The following ARHGAP44 variants were observed in gnomAD, a reference collection of about 807,000 sequenced individuals.
ARHGAP44 encodes rho GTPase-activating protein 44.
In ARHGAP44, 43 loss-of-function variants were observed where a neutral mutation model predicts 106.8. That is an observed-to-expected ratio of 0.40 (90% CI 0.32 to 0.52). The LOEUF (loss-of-function observed/expected upper bound fraction) is 0.52, where lower values mean the gene tolerates loss of function less well. Among genes scored for constraint, ARHGAP44 ranks in the 20% least tolerant of loss-of-function variants. The pLI is 0.48. For synonymous variants in ARHGAP44, 439 were observed against 410.3 expected (o/e 1.07, Z -0.85); for missense variants, 866 against 1,050.5 (o/e 0.82, Z 2.43).
chr17:12,933,830 A>G (rs945158954), intron 7 of ARHGAP44, among the ~76,000 whole-genome samples: 1 of 147,762 alleles, frequency 6.8e-6, no homozygotes, highest in Non-Finnish European at 1.5e-5. Flanking sequence ...TTATCTCCCC[A>G]TATTTCATCA....
intron 5 of ARHGAP44, among the ~76,000 whole-genome samples, chr17:12,918,232 C>T (rs2037973727): frequency 6.6e-6 from 1 of 152,216 alleles, no homozygotes; most frequent in South Asian, 2.1e-4. Context: ...TGGGTGGTGA[C>T]TCAGGTTGCC....
In ARHGAP44 at chr17:12,853,373, G is replaced by A. The variant is rs556245641; in HGVS notation, c.54-41567G>A. Among the ~76,000 whole-genome samples, 55 of 152,318 alleles carry A rather than the reference G, an allele frequency of 3.6e-4. 2 individuals carry two copies. The highest frequency in any genetic ancestry group is 1.0e-3 in the South Asian group (5 of 4,830). On this transcript the variant is annotated intron_variant, in intron 1 of 20. Coordinates refer to ENST00000379672, the MANE Select transcript of ARHGAP44 (RefSeq NM_014859.6). ...ATTAGACACTGAAGGACCGAAACGTGTCATGAAATGCCCACGTCCCAGAGC... is the reference window on the plus strand; with the variant it reads ...ATTAGACACTGAAGGACCGAAACGTATCATGAAATGCCCACGTCCCAGAGC...
rs375454229 is a variant in ARHGAP44 at position 12,841,641 on chromosome 17, A to C, written c.53+51750A>C. ...ACACACACACACACACACACACACAAACAAACAAACAAAAACCACACAACC... is the reference window on the plus strand; with the variant it reads ...ACACACACACACACACACACACACACACAAACAAACAAAAACCACACAACC... On this transcript the variant is annotated intron_variant, in intron 1 of 20. Transcript: ENST00000379672. 1.7e-3 allele frequency among the ~76,000 whole-genome samples: 219 copies of C among 127,506 alleles called. 1 individual carries two copies. The highest frequency in any genetic ancestry group is 0.012 in the Middle Eastern group (3 of 250). The allele number at this position is 127,506 out of a possible 152,430, so 83.6% of individuals were successfully genotyped here.
intron 3 of ARHGAP44, among the ~76,000 whole-genome samples, chr17:12,900,329 C>A (rs3785725): frequency 6.6e-6 from 1 of 151,568 alleles, no homozygotes; most frequent in Admixed American, 6.6e-5. Context: ...GGGGTTTCAC[C>A]ATGTTGGCCA....
chr17:12,810,919 T>TA (rs2034419662), intron 1 of ARHGAP44, among the ~76,000 whole-genome samples: 1 of 152,200 alleles, frequency 6.6e-6, no homozygotes, highest in South Asian at 2.1e-4. Flanking sequence ...CTGGAAGTGT[T>TA]ACCATAACAC....
At chr17:12,975,816 A>T (rs949230502) in intron 18 of ARHGAP44, among the ~76,000 whole-genome samples, 1 of 150,764 alleles carries the variant, frequency 6.6e-6, no homozygotes, top group Non-Finnish European at 1.5e-5. Context: ...AAAAAAAAAA[A>T]AGAAAAAAAG....
At chr17:12,983,482 G>A (rs2039882112) in intron 19 of ARHGAP44, among the ~76,000 whole-genome samples, 1 of 152,224 alleles carries the variant, frequency 6.6e-6, no homozygotes, top group South Asian at 2.1e-4. Context: ...TAAGGCAAAG[G>A]AGGTCAGGGC....
intron 3 of ARHGAP44, among the ~76,000 whole-genome samples, chr17:12,907,390 T>C (rs1386196952): frequency 6.6e-6 from 1 of 152,166 alleles, no homozygotes; most frequent in African/African-American, 2.4e-5. Flanking sequence ...TTTTAACAGT[T>C]AGTCTATTTA....
intron 4 of ARHGAP44, among the ~76,000 whole-genome samples, chr17:12,914,464 A>G (rs1307269451): frequency 1.3e-5 from 2 of 152,208 alleles, no homozygotes; most frequent in African/African-American, 2.4e-5. Context: ...CCATTGCAAA[A>G]TGATCTGATT....
intron 7 of ARHGAP44, among the ~76,000 whole-genome samples, chr17:12,940,785 T>A (rs2038685561): frequency 6.6e-6 from 1 of 152,074 alleles, no homozygotes. Context: ...TGCACATCAC[T>A]CCTCTACACC....
chr17:12,989,661 G>A (rs1352264028), intron 20 of ARHGAP44, among the ~76,000 whole-genome samples: 1 of 152,184 alleles, frequency 6.6e-6, no homozygotes, highest in Admixed American at 6.5e-5. Context: ...TGTCCCTGCA[G>A]ATTCTGGGGA....
intron 1 of ARHGAP44, among the ~76,000 whole-genome samples, chr17:12,871,898 A>G (rs2150883868): frequency 6.6e-6 from 1 of 152,282 alleles, no homozygotes; most frequent in Middle Eastern, 3.4e-3. Context: ...AGCAGATGCC[A>G]GCATCATGCT....
At chr17:12,855,777 T>C (rs527240170) in intron 1 of ARHGAP44, among the ~76,000 whole-genome samples, 22 of 152,320 alleles carry the variant, frequency 1.4e-4, no homozygotes, top group African/African-American at 5.3e-4. Context: ...GAGAAACACT[T>C]GTGTGATGAA....
At chr17:12,975,193 T>C (rs1458354940) in intron 18 of ARHGAP44, among the ~76,000 whole-genome samples, 3 of 152,200 alleles carry the variant, frequency 2.0e-5, no homozygotes, top group Admixed American at 6.5e-5. Context: ...TGGACCACAG[T>C]TGACCACAGG....
rs2039921504 is a variant in ARHGAP44 at position 12,984,866 on chromosome 17, C to T, written c.2275C>T (p.Pro759Ser). The T allele has an allele frequency of 6.2e-7, 1 of 1,613,854 alleles. No individual in the cohort carries two copies. The highest frequency in any genetic ancestry group is 1.7e-4 in the Middle Eastern group (1 of 6,056). Residue 759 changes from proline to serine, a missense_variant, in exon 20 of 21, where the codon CCC becomes TCC. Coordinates refer to ENST00000379672, the MANE Select transcript of ARHGAP44 (RefSeq NM_014859.6). ...SASSPQSTEA[P>S]MLDGMSPGES... Reference sequence around the variant, plus strand: ...CTCTAGTCCACAGTCCACGGAGGCCCCCATGCTAGATGGCATGTCCCCTGG... The same window carrying T: ...CTCTAGTCCACAGTCCACGGAGGCCTCCATGCTAGATGGCATGTCCCCTGG...
At chr17:12,895,116 C>A in intron 2 of ARHGAP44, 137 bp downstream of exon 2, 1 of 721,466 alleles carries the variant, frequency 1.4e-6, no homozygotes. Context: ...GGCGATACAG[C>A]GAGACTCTGT....
At chr17:12,903,127 GAGAGAGA>G (rs2037436772) in intron 3 of ARHGAP44, among the ~76,000 whole-genome samples, 2 of 26,950 alleles carry the variant, frequency 7.4e-5, no homozygotes, top group South Asian at 2.3e-3. Flanking sequence ...AGAGAGAGAG[GAGAGAGA>G]GAGAGAGTGT....
intron 1 of ARHGAP44, among the ~76,000 whole-genome samples, chr17:12,827,005 C>T (rs2034939738): frequency 6.6e-6 from 1 of 152,184 alleles, no homozygotes; most frequent in Admixed American, 6.5e-5. Context: ...CTAATCACCA[C>T]CAAAGCTTAA....
intron 13 of ARHGAP44, 115 bp from the exon 14 acceptor site, chr17:12,955,752 C>T: frequency 4.7e-6 from 3 of 631,688 alleles, no homozygotes; most frequent in Non-Finnish European, 8.5e-6. Flanking sequence ...ATTGCAGGTG[C>T]ACGAGTCTCC....
Sources: allele counts gnomAD v4.1 joint callset (sites outside exome capture counted in the v4.1 genomes callset), GRCh38; gene constraint gnomAD v4.1.1; transcripts MANE v1.5; gene names NCBI Gene and HGNC (gene_info 2026-07-23, HGNC 2026-07-21).